GIGYF2: variants seen among roughly 807,000 people sequenced by gnomAD.
GIGYF2 encodes GRB10-interacting GYF protein 2.
GIGYF2 carries 25 observed loss-of-function variants against 208.1 expected under a neutral mutation model. The ratio of observed to expected loss-of-function variants is 0.12; its 90% CI spans 0.09 to 0.17. The LOEUF (loss-of-function observed/expected upper bound fraction) is 0.17, where lower values mean the gene tolerates loss of function less well. Among genes scored for constraint, GIGYF2 ranks in the 10% least tolerant of loss-of-function variants. The pLI is 1.00. For synonymous variants in GIGYF2, 534 were observed against 543.8 expected (o/e 0.98, Z 0.25); for missense variants, 1,302 against 1,579.4 (o/e 0.82, Z 2.98).
chr2:232,715,476 TAGAA>T (rs1321244178), intron 2 of GIGYF2, among the ~76,000 whole-genome samples: 3 of 151,950 alleles, frequency 2.0e-5, no homozygotes, highest in East Asian at 1.9e-4. Context: ...AGACATGCCA[TAGAA>T]AGAATAATTC....
intron 22 of GIGYF2, among the ~76,000 whole-genome samples, chr2:232,836,299 T>A (rs372522150): frequency 0.051 from 1,004 of 19,830 alleles, 101 homozygotes; most frequent in East Asian, 0.27. Flanking sequence ...TATATATATA[T>A]ATATATATAT....
chr2:232,796,037 T>C (rs1266533389), intron 13 of GIGYF2, 25 bp from the exon 14 acceptor site: 1 of 1,581,996 alleles, frequency 6.3e-7, no homozygotes. Context: ...ATTTGTTTCC[T>C]TGATTTTTGT....
At position 232,859,913 on chromosome 2, in the gene GIGYF2, A is replaced by T. The variant is rs1408792640; in HGVS notation, c.*3053A>T. 6.6e-6 allele frequency: 1 copy of T among 152,094 alleles called. No individual in the cohort carries two copies. The highest frequency in any genetic ancestry group is 1.5e-5 in the Non-Finnish European group (1 of 68,038). 9.4% of individuals were successfully genotyped at this position (152,094 alleles called of 1,614,324 possible). On this transcript the variant is annotated 3_prime_UTR_variant, in exon 29 of 29. Transcript: ENST00000373563. ...TGAGCTCTTAGCTCAGGAGTCACATAGAGTCACTTCTGTGACACTGTGTTG... is the reference window on the plus strand; with the variant it reads ...TGAGCTCTTAGCTCAGGAGTCACATTGAGTCACTTCTGTGACACTGTGTTG...
chr2:232,796,164 TTG>T lies in GIGYF2; in HGVS notation c.1583_1584del (p.Leu528TyrfsTer3). 6.2e-7 allele frequency: 1 copy of T among 1,601,050 alleles called. No individual in the cohort carries two copies. The highest frequency in any genetic ancestry group is 8.6e-7 in the Non-Finnish European group (1 of 1,168,082). ...CAGAGCTAAAGGAGTGTCGATTCCATTGATGCATGAAGCAATGCAGAAGTGGT... is the reference window on the plus strand; with the variant it reads ...CAGAGCTAAAGGAGTGTCGATTCCATATGCATGAAGCAATGCAGAAGTGGT... Reference protein sequence around the residue: ...EHRAKGVSIPLMHEAMQKWYY... With the variant: ...EHRAKGVSIPXMHEAMQKWYY... On this transcript the variant is annotated frameshift_variant, in exon 14 of 29. Transcript: ENST00000373563. LOFTEE classifies it high-confidence loss of function.
chr2:232,817,868 C>A (rs1382312476), intron 20 of GIGYF2, among the ~76,000 whole-genome samples: 2 of 152,128 alleles, frequency 1.3e-5, no homozygotes, highest in Non-Finnish European at 2.9e-5. Context: ...TGAGTCCTTG[C>A]TTTCAACACT....
At chr2:232,786,315 G>A (rs575339666) in intron 8 of GIGYF2, among the ~76,000 whole-genome samples, 4 of 152,002 alleles carry the variant, frequency 2.6e-5, no homozygotes, top group East Asian at 3.9e-4. Context: ...TCTGCTTACC[G>A]CGACCTCCGC....
chr2:232,796,498 A>G (rs935252548), intron 14 of GIGYF2, among the ~76,000 whole-genome samples: 18 of 152,214 alleles, frequency 1.2e-4, no homozygotes, highest in Admixed American at 2.6e-4. Flanking sequence ...GTGATGCTCA[A>G]AAAGTTTCAG....
At chr2:232,791,478 T>C in intron 12 of GIGYF2, 32 bp downstream of exon 12, 3 of 1,585,106 alleles carry the variant, frequency 1.9e-6, no homozygotes, top group Non-Finnish European at 2.6e-6. Flanking sequence ...CAAGCTAAAA[T>C]AGGATTCTGC....
In GIGYF2 at chr2:232,833,106, G is replaced by A. The variant is rs1174616313; in HGVS notation, c.2766+13G>A. The A allele has an allele frequency of 2.6e-6, 4 of 1,538,748 alleles. No homozygotes were observed. The highest frequency in any genetic ancestry group is 1.7e-4 in the Middle Eastern group (1 of 5,966). ...GGCGCAGATGAAGGTAAAGCCCGAG[G>A]CATCAACCTTAGGAGCTCCTTGCTA... On this transcript the variant is annotated intron_variant, in intron 22 of 28. Coordinates refer to ENST00000373563, the MANE Select transcript of GIGYF2 (RefSeq NM_001103146.3).
intron 25 of GIGYF2, among the ~76,000 whole-genome samples, chr2:232,844,812 A>G (rs577126842): frequency 2.6e-5 from 4 of 152,254 alleles, no homozygotes; most frequent in African/African-American, 9.6e-5. Flanking sequence ...GCACATGGTA[A>G]CCACTTAATA....
chr2:232,746,752 G>T (rs1698165841), intron 3 of GIGYF2, among the ~76,000 whole-genome samples: 1 of 152,002 alleles, frequency 6.6e-6, no homozygotes, highest in African/African-American at 2.4e-5. Context: ...TGCATTTTCA[G>T]ATTCTCTACA....
intron 8 of GIGYF2, among the ~76,000 whole-genome samples, chr2:232,763,931 A>G (rs1698845436): frequency 6.6e-6 from 1 of 152,236 alleles, no homozygotes; most frequent in Non-Finnish European, 1.5e-5. Context: ...CTGTAAAGCA[A>G]AACTGTGGAT....
rs1014998681 is a variant in GIGYF2 at position 232,697,376 on chromosome 2, C to G, written c.-126C>G. 1 of 152,392 alleles carries G rather than the reference C, an allele frequency of 6.6e-6. No individual in the cohort carries two copies. Among genetic ancestry groups the G allele is most frequent in the African/African-American group, 2.4e-5 (1 of 41,436 alleles). The allele number at this position is 152,392 out of a possible 1,614,324, so 9.4% of individuals were successfully genotyped here. A position where few individuals can be genotyped will look rare whatever the true frequency, so the allele number is the denominator to read the frequency against. On this transcript the variant is annotated 5_prime_UTR_variant, in exon 1 of 29. Transcript: ENST00000373563. ...AGGACTGACTGGGGTTCTGAGACTC[C>G]CTGTCCCGGACCGCAGGTAACCAGC...
In GIGYF2 at chr2:232,858,400, A is replaced by G. The variant is rs890661358; in HGVS notation, c.*1540A>G. ...TCCCTTCTAAACATGTGTAATAACT[A>G]TACAGAGACTGCTACAAAATTGTAT... On this transcript the variant is annotated 3_prime_UTR_variant, in exon 29 of 29. Transcript: ENST00000373563. The G allele has an allele frequency of 1.4e-5, 6 of 444,034 alleles. No homozygotes were observed. The highest frequency in any genetic ancestry group is 2.7e-5 in the Non-Finnish European group (6 of 224,090). The allele number at this position is 444,034 out of a possible 1,614,324, so 27.5% of individuals were successfully genotyped here.
chr2:232,821,067 A>G (rs1266247943), intron 21 of GIGYF2, among the ~76,000 whole-genome samples: 2 of 151,952 alleles, frequency 1.3e-5, no homozygotes, highest in Non-Finnish European at 2.9e-5. Flanking sequence ...CTGGCCTCAA[A>G]TGATCTGCCT....
chr2:232,768,666 C>T lies in GIGYF2; in HGVS notation c.532+7230C>T, dbSNP rs867979727. ...TTCCTGATAGAGTACAGCTGAGACC[C>T]GGACACTGGTTAGAGGGCTAGGTCG... On this transcript the variant is annotated intron_variant, in intron 8 of 28. Transcript: ENST00000373563. The T allele has an allele frequency of 1.3e-5, 21 of 1,613,282 alleles. No homozygotes were observed. The highest frequency in any genetic ancestry group is 4.0e-5 in the African/African-American group (3 of 74,876).
At chr2:232,713,200 C>G (rs551195840) in intron 2 of GIGYF2, among the ~76,000 whole-genome samples, 5 of 152,056 alleles carry the variant, frequency 3.3e-5, no homozygotes, top group African/African-American at 1.2e-4. Context: ...CTCAGCCTCC[C>G]GAATAGCTGG....
chr2:232,842,979 T>G (rs1424807642), intron 23 of GIGYF2: 1 of 152,192 alleles, frequency 6.6e-6, no homozygotes, highest in East Asian at 1.9e-4. Context: ...ACTCAGCACC[T>G]CCAGTTCCTG....
At chr2:232,704,911 G>T (rs1447229530) in intron 2 of GIGYF2, among the ~76,000 whole-genome samples, 1 of 131,046 alleles carries the variant, frequency 7.6e-6, no homozygotes, top group Non-Finnish European at 1.5e-5. Context: ...CCAGGCTGGA[G>T]TGCAGTGGCG....
Sources: gnomAD v4.1 joint callset for allele counts (sites outside exome capture counted in the v4.1 genomes callset) on GRCh38, gnomAD v4.1.1 for gene constraint, MANE v1.5 for transcripts, NCBI Gene and HGNC (gene_info 2026-07-23, HGNC 2026-07-21) for gene names.